The following FBXL13 variants were observed in gnomAD, a reference collection of about 807,000 sequenced individuals.
The protein encoded by FBXL13 is F-box and leucine rich repeat protein 13.
Under a neutral mutation model 83.6 loss-of-function variants are expected in FBXL13, and 67 were observed. The ratio of observed to expected loss-of-function variants is 0.80; its 90% CI spans 0.66 to 0.98. The LOEUF (loss-of-function observed/expected upper bound fraction) is 0.98. Ranked by LOEUF, FBXL13 falls within the 50% of genes least tolerant of loss-of-function variation. The probability of loss-of-function intolerance (pLI) is 0.00; values close to 1 mark genes in which losing one functional copy is unlikely to be tolerated. For missense variants in FBXL13, 822 were observed against 866.5 expected (o/e 0.95, Z 0.64); for synonymous variants, 272 against 299.5 (o/e 0.91, Z 0.95).
chr7:102,940,066 G>A (rs563757477), intron 8 of FBXL13, among the ~76,000 whole-genome samples: 56 of 150,926 alleles, frequency 3.7e-4, no homozygotes, highest in African/African-American at 1.3e-3. Flanking sequence ...GGCTAATTTT[G>A]TATTTTTAGT....
chr7:103,071,845 C>T (rs1295957525), intron 1 of FBXL13, among the ~76,000 whole-genome samples: 1 of 152,024 alleles, frequency 6.6e-6, no homozygotes, highest in Non-Finnish European at 1.5e-5. Flanking sequence ...TTTATGTATT[C>T]CAAGGCTTGC....
intron 17 of FBXL13, 36 bp from the exon 19 acceptor site, chr7:102,833,010 T>G (rs1476672712): frequency 1.4e-5 from 23 of 1,610,914 alleles, no homozygotes; most frequent in Non-Finnish European, 2.0e-5. Flanking sequence ...TTTTCTTTTC[T>G]TTAGTCATCT....
At chr7:103,007,894 C>A (rs1191398818) in intron 6 of FBXL13, among the ~76,000 whole-genome samples, 2 of 152,054 alleles carry the variant, frequency 1.3e-5, no homozygotes, top group African/African-American at 2.4e-5. Flanking sequence ...CATCCTGGCA[C>A]AGGGTTTCGA....
intron 10 of FBXL13, among the ~76,000 whole-genome samples, chr7:102,925,814 A>G (rs999917956): frequency 4.9e-4 from 75 of 151,674 alleles, no homozygotes; most frequent in Non-Finnish European, 2.1e-4. Flanking sequence ...GGTGGTGGGC[A>G]CCTGTAATCC....
intron 17 of FBXL13, among the ~76,000 whole-genome samples, chr7:102,849,341 T>A (rs1487077246): frequency 6.6e-6 from 1 of 152,188 alleles, no homozygotes; most frequent in Non-Finnish European, 1.5e-5. Context: ...AGTCAATACA[T>A]CTGAGGCTCC....
intron 11 of FBXL13, among the ~76,000 whole-genome samples, chr7:102,910,363 G>T (rs904117914): frequency 1.3e-5 from 2 of 152,030 alleles, no homozygotes; most frequent in Admixed American, 1.3e-4. Context: ...TGGTTCTTAT[G>T]AAGGTGTTTT....
intron 16 of FBXL13, among the ~76,000 whole-genome samples, chr7:102,873,525 G>T (rs1563024612): frequency 6.6e-6 from 1 of 152,146 alleles, no homozygotes; most frequent in Non-Finnish European, 1.5e-5. Flanking sequence ...TTTTCACCTG[G>T]ATGACTACTT....
intron 8 of FBXL13, among the ~76,000 whole-genome samples, chr7:102,962,779 C>A (rs199924449): frequency 2.2e-4 from 29 of 133,170 alleles, no homozygotes; most frequent in African/African-American, 4.0e-4. Flanking sequence ...GGGAACTGAA[C>A]AATGAGATCA....
At chr7:102,841,439 T>C (rs1438827916) in intron 17 of FBXL13, among the ~76,000 whole-genome samples, 2 of 152,190 alleles carry the variant, frequency 1.3e-5, no homozygotes, top group Admixed American at 6.5e-5. Flanking sequence ...AGTTCAGCAG[T>C]GCTTCAGTTG....
chr7:102,979,579 C>T (rs1192033772), intron 6 of FBXL13, among the ~76,000 whole-genome samples: 2 of 152,076 alleles, frequency 1.3e-5, no homozygotes, highest in African/African-American at 4.8e-5. Context: ...GAATAATAAA[C>T]ACTAAATTTA....
At chr7:103,043,213 T>C (rs1313596568) in intron 2 of FBXL13, among the ~76,000 whole-genome samples, 1 of 151,976 alleles carries the variant, frequency 6.6e-6, no homozygotes, top group Non-Finnish European at 1.5e-5. Context: ...AACAAACATA[T>C]GAAAAAAAGC....
intron 1 of FBXL13, among the ~76,000 whole-genome samples, chr7:103,068,041 G>A (rs1236956866): frequency 6.6e-6 from 1 of 152,186 alleles, no homozygotes; most frequent in Non-Finnish European, 1.5e-5. Context: ...GGAGATTTCA[G>A]AGATGGTACA....
At chr7:103,021,087 A>G (rs1793107798) in intron 6 of FBXL13, among the ~76,000 whole-genome samples, 1 of 152,214 alleles carries the variant, frequency 6.6e-6, no homozygotes, top group Non-Finnish European at 1.5e-5. Flanking sequence ...AAACTATACT[A>G]CAAAGCTACA....
chr7:102,944,732 T>A, intron 8 of FBXL13: 1 of 826,456 alleles, frequency 1.2e-6, no homozygotes, highest in Non-Finnish European at 1.8e-6. Flanking sequence ...GGAAGCTTTC[T>A]TTAATTATAA....
At chr7:103,054,346 C>A (rs912301878) in intron 2 of FBXL13, among the ~76,000 whole-genome samples, 1 of 149,546 alleles carries the variant, frequency 6.7e-6, no homozygotes, top group Admixed American at 6.7e-5. Context: ...GCCAAGATCG[C>A]GCCATTGCAC....
At chr7:102,812,730 T>C (rs1455136851), downstream of FBXL13, among the ~76,000 whole-genome samples, 1 of 152,126 alleles carries the variant, frequency 6.6e-6, no homozygotes, top group African/African-American at 2.4e-5. Context: ...CAAAAAAGTC[T>C]CATCTCTCAG....
intron 9 of FBXL13, among the ~76,000 whole-genome samples, chr7:102,926,934 T>C (rs1462718317): frequency 2.0e-5 from 3 of 152,160 alleles, no homozygotes; most frequent in Admixed American, 1.3e-4. Flanking sequence ...AAGTTTGAGA[T>C]GGCTAAAATA....
intron 2 of FBXL13, among the ~76,000 whole-genome samples, chr7:103,040,571 G>A (rs1795563808): frequency 6.6e-6 from 1 of 152,076 alleles, no homozygotes; most frequent in Non-Finnish European, 1.5e-5. Flanking sequence ...CACATAATTG[G>A]TAGTAAAACA....
upstream of FBXL13, chr7:103,074,622 G>C (rs1216626021): frequency 4.0e-6 from 5 of 1,257,692 alleles, no homozygotes; most frequent in Non-Finnish European, 5.2e-6. Flanking sequence ...CCTCCTCCGG[G>C]AAGTCTTTCC....
Sources: gnomAD v4.1 joint callset for allele counts (sites outside exome capture counted in the v4.1 genomes callset) on GRCh38, gnomAD v4.1.1 for gene constraint, MANE v1.5 for transcripts, NCBI Gene and HGNC (gene_info 2026-07-23, HGNC 2026-07-21) for gene names.